TOR1AIP2: variants seen among roughly 807,000 people sequenced by gnomAD.
The protein encoded by TOR1AIP2 is torsin-1A-interacting protein 2.
In TOR1AIP2, 20 loss-of-function variants were observed where a neutral mutation model predicts 32.6. That is an observed-to-expected ratio of 0.61 (90% CI 0.43 to 0.89). TOR1AIP2 has a LOEUF of 0.89. TOR1AIP2 is among the 40% of genes least tolerant of loss of function. The pLI, the probability that TOR1AIP2 is intolerant of heterozygous loss-of-function variation, is 0.00. For missense variants in TOR1AIP2, 456 were observed against 553.8 expected, an observed-to-expected ratio of 0.82 and a Z score of 1.77; for synonymous variants, 214 against 210.8, an observed-to-expected ratio of 1.02 and a Z score of -0.13.
chr1:179,875,903 CT>C (rs1409599850), intron 2 of TOR1AIP2: 1 of 152,186 alleles, frequency 6.6e-6, no homozygotes, highest in Non-Finnish European at 1.5e-5. Flanking sequence ...TATGATCGCC[CT>C]ATGAATTCCT....
Position 179,865,601 on chromosome 1 carries a change from C to G in TOR1AIP2, c.-312G>C, listed in dbSNP as rs999359521. ...TTTGTTGGTAAGGTTATTGTGTCTGCTTGGTGAAACAGAGGAGCTGACAGG... is the reference window on the plus strand; with the variant it reads ...TTTGTTGGTAAGGTTATTGTGTCTGGTTGGTGAAACAGAGGAGCTGACAGG... On this transcript the variant is annotated 5_prime_UTR_variant, in exon 3 of 7. Coordinates refer to ENST00000609928, the MANE Select transcript of TOR1AIP2 (RefSeq NM_001199260.2). 25 of 158,894 alleles carry G rather than the reference C, an allele frequency of 1.6e-4. No homozygotes were observed. The highest frequency in any genetic ancestry group is 6.0e-4 in the African/African-American group (25 of 41,614). The allele number at this position is 158,894 out of a possible 1,614,324, so 9.8% of individuals were successfully genotyped here.
Position 179,847,597 on chromosome 1 carries a change from T to C in TOR1AIP2, c.593A>G (p.Glu198Gly). The change falls in exon 6 of 7, where the codon GAA becomes GGA. Residue 198 changes from glutamate (E) to glycine (G), a missense_variant. Physicochemically the swap from Glu to Gly is moderately conservative, Grantham distance 98. Coordinates refer to ENST00000609928, the MANE Select transcript of TOR1AIP2 (RefSeq NM_001199260.2). ...GGTGTCCTGTGCATTCTCTTTAATT[T>C]CTTCCAATTTTTGTGTTTGTTGTGG... ...SHPQQTQKLE[E>G]IKENAQDTMR... The C allele has an allele frequency of 4.3e-6, 7 of 1,614,158 alleles. No homozygotes were observed. Among genetic ancestry groups the C allele is most frequent in the Non-Finnish European group, 5.9e-6 (7 of 1,179,998 alleles).
intron 3 of TOR1AIP2, chr1:179,864,234 T>C: frequency 1.0e-6 from 1 of 985,500 alleles, no homozygotes; most frequent in South Asian, 4.7e-5. Context: ...ACAGGGCCAA[T>C]GATGAATAAA....
chr1:179,857,481 A>G (rs767395146), intron 3 of TOR1AIP2, among the ~76,000 whole-genome samples: 24 of 150,272 alleles, frequency 1.6e-4, no homozygotes, highest in Non-Finnish European at 3.1e-4. Context: ...GATTTGCCTC[A>G]ACTGCTTGGG....
chr1:179,863,456 C>T, intron 3 of TOR1AIP2: 1 of 985,026 alleles, frequency 1.0e-6, no homozygotes, highest in Middle Eastern at 5.2e-4. Context: ...TCCAGCCTTT[C>T]CTAGGGATTA....
rs770733417 is a variant in TOR1AIP2, at chr1:179,860,684, C to G, written c.-147+4752G>C. On this transcript the variant is annotated intron_variant, in intron 3 of 6. Coordinates refer to ENST00000609928, the MANE Select transcript of TOR1AIP2 (RefSeq NM_001199260.2). ...TTTTCACAGATGAAGAAACTAGATA[C>G]AGAGAGGTTAAAATGCCTAAGGTCA... 4.1e-6 allele frequency: 4 copies of G among 984,540 alleles called. No individual in the cohort carries two copies. In the South Asian group the frequency reaches 1.9e-4, roughly 46 times the overall value. 61.0% of individuals were successfully genotyped at this position (984,540 alleles called of 1,614,324 possible).
At chr1:179,850,410 T>G (rs566496436) in intron 5 of TOR1AIP2, among the ~76,000 whole-genome samples, 1 of 152,382 alleles carries the variant, frequency 6.6e-6, no homozygotes, top group East Asian at 1.9e-4. Flanking sequence ...TTAAGGATAC[T>G]GTCCCATTAA....
chr1:179,855,250 A>C (rs534559523), intron 3 of TOR1AIP2, among the ~76,000 whole-genome samples: 1 of 152,358 alleles, frequency 6.6e-6, no homozygotes, highest in East Asian at 1.9e-4. Flanking sequence ...CCTATTAAAA[A>C]ATTTTAATTT....
At chr1:179,861,852 A>ATATCT (rs1553236959) in intron 3 of TOR1AIP2, 2 of 951,758 alleles carry the variant, frequency 2.1e-6, no homozygotes, top group African/African-American at 3.5e-5. Context: ...GGTACTATTT[A>ATATCT]TATCTTTTAT....
At chr1:179,857,106 T>G (rs2148436591) in intron 3 of TOR1AIP2, among the ~76,000 whole-genome samples, 1 of 152,348 alleles carries the variant, frequency 6.6e-6, no homozygotes. Context: ...GATAGTATCT[T>G]CTACAAGGAA....
chr1:179,849,549 T>C (rs1373938667), intron 5 of TOR1AIP2, among the ~76,000 whole-genome samples: 1 of 152,154 alleles, frequency 6.6e-6, no homozygotes, highest in Non-Finnish European at 1.5e-5. Flanking sequence ...TAAACAATAT[T>C]TTTTCTACTC....
At chr1:179,866,287 T>G (rs1439815492) in intron 2 of TOR1AIP2, among the ~76,000 whole-genome samples, 4 of 152,168 alleles carry the variant, frequency 2.6e-5, no homozygotes, top group Non-Finnish European at 5.9e-5. Context: ...TACACAGTTT[T>G]TAGATAATAT....
At position 179,844,757 on chromosome 1, in the gene TOR1AIP2, C is replaced by G. The variant is rs1026741203; in HGVS notation, c.*1314G>C. On this transcript the variant is annotated 3_prime_UTR_variant, in exon 7 of 7. Coordinates refer to ENST00000609928, the MANE Select transcript of TOR1AIP2 (RefSeq NM_001199260.2). ...AATGGTACTTCTATAACTAGTTGGT[C>G]AAGAAATGAGCTGCATTACATAATG... 1.3e-5 allele frequency: 2 copies of G among 152,106 alleles called. No homozygotes were observed. The highest frequency in any genetic ancestry group is 1.3e-4 in the Admixed American group (2 of 15,280). The allele number at this position is 152,106 out of a possible 1,614,324, so 9.4% of individuals were successfully genotyped here. A position where few individuals can be genotyped will look rare whatever the true frequency, so the allele number is the denominator to read the frequency against.
intron 3 of TOR1AIP2, 171 bp downstream of exon 3, chr1:179,865,264 AG>A (rs1696722935): frequency 6.8e-7 from 1 of 1,466,982 alleles, no homozygotes; most frequent in Admixed American, 2.4e-5. Flanking sequence ...GTCCTATTAC[AG>A]GTTTCGTTTA....
At chr1:179,853,356 G>A (rs1316726788) in intron 3 of TOR1AIP2, among the ~76,000 whole-genome samples, 1 of 152,186 alleles carries the variant, frequency 6.6e-6, no homozygotes, top group Non-Finnish European at 1.5e-5. Flanking sequence ...GTAAAATATG[G>A]AGACAGATAT....
chr1:179,849,607 C>T (rs1558010602), intron 5 of TOR1AIP2, among the ~76,000 whole-genome samples: 1 of 151,950 alleles, frequency 6.6e-6, no homozygotes. Context: ...GATGGGATCT[C>T]ACTAGATTGC....
rs1695710299 is a variant in TOR1AIP2, at chr1:179,841,229, AAAAC to A, written c.*4838_*4841del. ...AGTGTTCAAGCTACTTGACTTGTGA[AAAAC>A]AAAAAACCACCATGACTTCTCAACA... On this transcript the variant is annotated 3_prime_UTR_variant, in exon 7 of 7. Transcript: ENST00000609928. 6.6e-6 allele frequency: 1 copy of A among 152,220 alleles called. No homozygotes were observed. The highest frequency in any genetic ancestry group is 1.5e-5 in the Non-Finnish European group (1 of 68,030). The allele number at this position is 152,220 out of a possible 1,614,324, so 9.4% of individuals were successfully genotyped here. A position where few individuals can be genotyped will look rare whatever the true frequency, so the allele number is the denominator to read the frequency against.
intron 2 of TOR1AIP2, among the ~76,000 whole-genome samples, chr1:179,876,928 T>A (rs182557915): frequency 5.3e-4 from 80 of 151,994 alleles, no homozygotes; most frequent in African/African-American, 1.8e-3. Context: ...ACATATATAA[T>A]ATGTAAGCAA....
At chr1:179,853,368 C>T (rs1696185547) in intron 3 of TOR1AIP2, among the ~76,000 whole-genome samples, 1 of 152,118 alleles carries the variant, frequency 6.6e-6, no homozygotes, top group South Asian at 2.1e-4. Flanking sequence ...GACAGATATT[C>T]CTTTATACAA....
Sources: gnomAD v4.1 joint callset for allele counts (sites outside exome capture counted in the v4.1 genomes callset) on GRCh38, gnomAD v4.1.1 for gene constraint, MANE v1.5 for transcripts, NCBI Gene and HGNC (gene_info 2026-07-23, HGNC 2026-07-21) for gene names.